Variants in STRIP1 observed in about 807,000 individuals in gnomAD.
STRIP1 encodes the protein striatin-interacting protein 1.
In STRIP1, 63 loss-of-function variants were observed where a neutral mutation model predicts 106.2. The ratio of observed to expected loss-of-function variants is 0.59; its 90% CI spans 0.48 to 0.73. The LOEUF is 0.73. STRIP1 is among the 30% of genes least tolerant of loss of function. STRIP1 has a pLI of 0.00. For missense variants in STRIP1, 857 were observed against 1,074.8 expected (o/e 0.80, Z 2.83); for synonymous variants, 390 against 413.0 (o/e 0.94, Z 0.67).
intron 2 of STRIP1, 108 bp downstream of exon 2, chr1:110,038,068 T>TC (rs1652548388): frequency 4.5e-6 from 1 of 223,850 alleles, no homozygotes; most frequent in African/African-American, 4.8e-5. Flanking sequence ...CCTAGTTCTA[T>TC]CAAATATATA....
chr1:110,047,794 T>C lies in STRIP1; in HGVS notation c.1586T>C (p.Leu529Ser), dbSNP rs1304607862. The change falls in exon 15 of 21, where the codon TTG becomes TCG. Residue 529 changes from leucine to serine, a missense_variant. Physicochemically the swap from Leu to Ser is moderately radical, Grantham distance 145. Coordinates refer to ENST00000369795, the MANE Select transcript of STRIP1 (RefSeq NM_033088.4). Reference sequence around the variant, plus strand: ...CAGATTGCCCTCCTGAAGATCCTGTTGGCTGCAGCACCCACCTCAAAAGCC... The same window carrying C: ...CAGATTGCCCTCCTGAAGATCCTGTCGGCTGCAGCACCCACCTCAAAAGCC... ...QYMIALLKIL[L>S]AAAPTSKAKT... 6.4e-7 allele frequency: 1 copy of C among 1,570,680 alleles called. No individual in the cohort carries two copies. The highest frequency in any genetic ancestry group is 8.6e-7 in the Non-Finnish European group (1 of 1,156,652).
chr1:110,051,629 G>T (rs560895462), intron 19 of STRIP1, 54 bp from the exon 20 acceptor site: 15 of 1,505,200 alleles, frequency 1.0e-5, no homozygotes, highest in Non-Finnish European at 1.4e-5. Context: ...GACCTGGGAT[G>T]TATGCATTTA....
In STRIP1 at chr1:110,050,495, G is replaced by C. The variant is rs1653243743; in HGVS notation, c.1956+86G>C. ...TGCCTACCCCAACACTGCAGGAATA[G>C]AGGTGTCTCCCGCAGGTGAAATCAC... On this transcript the variant is annotated intron_variant, in intron 18 of 20. Transcript: ENST00000369795. 3 of 1,285,354 alleles carry C rather than the reference G, an allele frequency of 2.3e-6. No homozygotes were observed. In the East Asian group the frequency reaches 7.2e-5, roughly 31 times the overall value. 79.6% of individuals were successfully genotyped at this position (1,285,354 alleles called of 1,614,324 possible).
At position 110,050,386 on chromosome 1, in the gene STRIP1, C is replaced by T; in HGVS notation, c.1933C>T (p.Pro645Ser). 1 of 1,614,168 alleles carries T rather than the reference C, an allele frequency of 6.2e-7. No homozygotes were observed. Residue 645 changes from proline to serine, a missense_variant, in exon 18 of 21, where the codon CCA becomes TCA. Pro to Ser is a moderately conservative substitution (Grantham distance 74). Coordinates refer to ENST00000369795, the MANE Select transcript of STRIP1 (RefSeq NM_033088.4). ...DYPHCVVHEL[P>S]ELTAESLEAG... ...CCCTCACTGCGTGGTGCATGAGCTG[C>T]CAGAGCTGACGGCGGAGAGTTTGGT...
In STRIP1 at chr1:110,039,387, C is replaced by T. The variant is rs375004859; in HGVS notation, c.461-8C>T. The T allele has an allele frequency of 4.4e-4, 710 of 1,614,164 alleles. 8 individuals carry two copies. In the South Asian group the frequency reaches 6.1e-3, roughly 14 times the overall value. On this transcript the variant is annotated splice_polypyrimidine_tract_variant and splice_region_variant and intron_variant, in intron 4 of 20. Coordinates refer to ENST00000369795, the MANE Select transcript of STRIP1 (RefSeq NM_033088.4). The stretch of plus-strand genomic sequence containing the variant: ...GAGGGGCTCAGTGAGTTGAACCCTG[C>T]ATTGCAGGCACGTTTGGGGAGTGCA...
At chr1:110,038,857 C>T (rs1355104253) in intron 3 of STRIP1, 100 bp downstream of exon 3, 4 of 1,085,238 alleles carry the variant, frequency 3.7e-6, no homozygotes, top group African/African-American at 3.1e-5. Flanking sequence ...CCTGGAACAG[C>T]CTGAGAAGCC....
chr1:110,050,861 A>G, intron 18 of STRIP1, 95 bp from the exon 19 acceptor site: 2 of 738,958 alleles, frequency 2.7e-6, no homozygotes, highest in East Asian at 2.5e-5. Flanking sequence ...AGGCCTGGAG[A>G]CCCGGCTGTC....
upstream of STRIP1, among the ~76,000 whole-genome samples, chr1:110,033,905 C>G (rs1051930676): frequency 1.2e-4 from 19 of 152,234 alleles, no homozygotes; most frequent in Non-Finnish European, 7.3e-5. Context: ...CGTCCACTGA[C>G]CCTCATCCTG....
Position 110,050,331 on chromosome 1 carries a change from T to A in STRIP1, c.1890-12T>A, listed in dbSNP as rs1557796130. ...GCTCATGGTGGGCATCTGGTTCCTC[T>A]CCCCTCTGCAGCATTTCTGTCCTGG... On this transcript the variant is annotated splice_polypyrimidine_tract_variant and intron_variant, in intron 17 of 20. Transcript: ENST00000369795. 14 of 1,614,026 alleles carry A rather than the reference T, an allele frequency of 8.7e-6. No homozygotes were observed. Among genetic ancestry groups the A allele is most frequent in the Non-Finnish European group, 1.0e-5 (12 of 1,179,916 alleles).
Position 110,053,786 on chromosome 1 carries a change from C to T in STRIP1, c.2388C>T (p.Asp796=), listed in dbSNP as rs145468113. 2.5e-6 allele frequency: 4 copies of T among 1,614,026 alleles called. No individual in the cohort carries two copies. The highest frequency in any genetic ancestry group is 3.4e-6 in the Non-Finnish European group (4 of 1,180,044). Residue 796 remains aspartate (D), a synonymous_variant, in exon 21 of 21, where the codon GAC becomes GAT. Coordinates refer to ENST00000369795, the MANE Select transcript of STRIP1 (RefSeq NM_033088.4). Reference sequence around the variant, plus strand: ...GCAACCCTGACTTCCTGCCAGTGGACAACTGCCTGCAGAGTGTCCTGGGCC... The same window carrying T: ...GCAACCCTGACTTCCTGCCAGTGGATAACTGCCTGCAGAGTGTCCTGGGCC... ...AHSNPDFLPV[D]NCLQSVLGQR... is the part of the protein sequence containing the mutation.
In STRIP1 at chr1:110,039,213, C is replaced by G. The variant is rs372370356; in HGVS notation, c.367C>G (p.Arg123Gly). 1.9e-6 allele frequency: 3 copies of G among 1,614,208 alleles called. No individual in the cohort carries two copies. Among genetic ancestry groups the G allele is most frequent in the Non-Finnish European group, 8.5e-7 (1 of 1,180,038 alleles). Reference sequence around the variant, plus strand: ...GACTGAGCTGGATACCAACCAGCACCGGACCCATGCCATGAGGCTCCTGGA... The same window carrying G: ...GACTGAGCTGGATACCAACCAGCACGGGACCCATGCCATGAGGCTCCTGGA... ...KWTELDTNQH[R>G]THAMRLLDGL... is the part of the protein sequence containing the mutation. Residue 123 changes from arginine (R) to glycine (G), a missense_variant, in exon 4 of 21, where the codon CGG becomes GGG. Physicochemically the swap from Arg to Gly is moderately radical, Grantham distance 125 (BLOSUM62 -2). Transcript: ENST00000369795.
chr1:110,038,635 G>T, intron 2 of STRIP1, 48 bp from the exon 3 acceptor site: 2 of 1,503,056 alleles, frequency 1.3e-6, no homozygotes, highest in Non-Finnish European at 1.9e-6. Flanking sequence ...GAGACCTGGT[G>T]TGCAATGCAG....
intron 15 of STRIP1, 169 bp downstream of exon 15, chr1:110,048,038 G>A: frequency 1.6e-6 from 1 of 621,310 alleles, no homozygotes; most frequent in Admixed American, 2.7e-5. Context: ...CACTGGTTGG[G>A]GAGATGGCTT....
At chr1:110,033,443 T>C (rs1385872197), upstream of STRIP1, among the ~76,000 whole-genome samples, 1 of 152,196 alleles carries the variant, frequency 6.6e-6, no homozygotes, top group Non-Finnish European at 1.5e-5. Context: ...TATAACAGAA[T>C]ACAAAACACT....
At chr1:110,039,126 T>G in intron 3 of STRIP1, 46 bp from the exon 4 acceptor site, 1 of 1,608,198 alleles carries the variant, frequency 6.2e-7, no homozygotes, top group Non-Finnish European at 8.5e-7. Context: ...CATGCCATTG[T>G]GAGGATTTTT....
At position 110,039,165 on chromosome 1, in the gene STRIP1, C is replaced by T; in HGVS notation, c.326-7C>T. On this transcript the variant is annotated splice_polypyrimidine_tract_variant and splice_region_variant and intron_variant, in intron 3 of 20. Coordinates refer to ENST00000369795, the MANE Select transcript of STRIP1 (RefSeq NM_033088.4). ...GGCTCAGGTGTAACTGGTTTCTTGC[C>T]CTGCAGTGACAGACAAGAAGTGGAC... is the stretch of plus-strand genomic sequence containing the variant. 2 of 1,613,798 alleles carry T rather than the reference C, an allele frequency of 1.2e-6. No homozygotes were observed. The highest frequency in any genetic ancestry group is 1.7e-6 in the Non-Finnish European group (2 of 1,179,766).
chr1:110,032,888 C>A (rs1652261571), upstream of STRIP1, among the ~76,000 whole-genome samples: 1 of 152,188 alleles, frequency 6.6e-6, no homozygotes, highest in Non-Finnish European at 1.5e-5. Flanking sequence ...AACATCACAC[C>A]ATAACATCTC....
At position 110,047,523 on chromosome 1, in the gene STRIP1, G is replaced by C. The variant is rs1027642469; in HGVS notation, c.1489-19G>C. 6.9e-6 allele frequency: 11 copies of C among 1,601,550 alleles called. No individual in the cohort carries two copies. The highest frequency in any genetic ancestry group is 3.3e-4 in the Middle Eastern group (2 of 6,062). On this transcript the variant is annotated intron_variant, in intron 13 of 20. Transcript: ENST00000369795. The stretch of plus-strand genomic sequence containing the variant: ...TATTCTGGGCTGGGGTTTTATGCTT[G>C]TACTCATTATGTTAAAAGGGAGAAG...
At chr1:110,035,848 A>T (rs1652427805) in intron 1 of STRIP1, among the ~76,000 whole-genome samples, 1 of 152,230 alleles carries the variant, frequency 6.6e-6, no homozygotes, top group African/African-American at 2.4e-5. Flanking sequence ...TTTGTTAGCA[A>T]GGCTAAACCC....
Sources: allele counts gnomAD v4.1 joint callset (sites outside exome capture counted in the v4.1 genomes callset), GRCh38; gene constraint gnomAD v4.1.1; transcripts MANE v1.5; gene names NCBI Gene and HGNC (gene_info 2026-07-23, HGNC 2026-07-21).